Variants in SHTN1 observed in about 807,000 individuals in gnomAD.
SHTN1 encodes shootin 1, also known as shootin-1.
In SHTN1, 42 loss-of-function variants were observed where a neutral mutation model predicts 83.1. That is an observed-to-expected ratio of 0.51 (90% CI 0.39 to 0.65). The LOEUF (loss-of-function observed/expected upper bound fraction) is 0.65, where lower values mean the gene tolerates loss of function less well. Ranked by LOEUF, SHTN1 falls within the 30% of genes least tolerant of loss-of-function variation. The pLI is 0.00. For synonymous variants in SHTN1, 224 were observed against 247.7 expected, an observed-to-expected ratio of 0.90 and a Z score of 0.90; for missense variants, 622 against 737.8, an observed-to-expected ratio of 0.84 and a Z score of 1.82.
At chr10:117,076,043 C>T (rs1853147920) in intron 1 of SHTN1, among the ~76,000 whole-genome samples, 1 of 151,780 alleles carries the variant, frequency 6.6e-6, no homozygotes, top group Admixed American at 6.6e-5. Flanking sequence ...ATTAGCTAGG[C>T]GTGGTGGTGC....
intron 16 of SHTN1, among the ~76,000 whole-genome samples, chr10:116,893,213 A>AT (rs1457775325): frequency 6.6e-6 from 1 of 152,164 alleles, no homozygotes; most frequent in African/African-American, 2.4e-5. Flanking sequence ...AGTCCACAGG[A>AT]TAACTCCTTG....
intron 16 of SHTN1, chr10:116,900,205 G>A (rs1361854643): frequency 8.1e-6 from 2 of 245,504 alleles, no homozygotes; most frequent in Admixed American, 5.2e-5. Flanking sequence ...GAATAATCGA[G>A]CATTAGGTTT....
At chr10:116,957,222 C>T (rs2133433932) in intron 4 of SHTN1, among the ~76,000 whole-genome samples, 1 of 151,832 alleles carries the variant, frequency 6.6e-6, no homozygotes, top group East Asian at 1.9e-4. Flanking sequence ...TGTTTGGAAC[C>T]CCTCTATGTC....
At chr10:116,949,371 C>T (rs1442348162) in intron 6 of SHTN1, among the ~76,000 whole-genome samples, 1 of 152,106 alleles carries the variant, frequency 6.6e-6, no homozygotes, top group Non-Finnish European at 1.5e-5. Context: ...CTCAAGCAAT[C>T]CTCCTGCTTC....
intron 5 of SHTN1, among the ~76,000 whole-genome samples, chr10:116,953,153 CTAAAT>C (rs997474540): frequency 6.6e-6 from 1 of 152,248 alleles, no homozygotes; most frequent in African/African-American, 2.4e-5. Flanking sequence ...GACCTGTGTA[CTAAAT>C]TAAAATGTTC....
chr10:116,981,331 C>T (rs1173231068), intron 1 of SHTN1, among the ~76,000 whole-genome samples: 8 of 152,008 alleles, frequency 5.3e-5, no homozygotes, highest in Non-Finnish European at 1.0e-4. Flanking sequence ...AAAAACAAAA[C>T]GAAACAAAAC....
chr10:116,897,952 T>C (rs1468585938), intron 16 of SHTN1, among the ~76,000 whole-genome samples: 1 of 152,156 alleles, frequency 6.6e-6, no homozygotes, highest in Non-Finnish European at 1.5e-5. Flanking sequence ...ATCATTCTTG[T>C]TTTTCTGACC....
At chr10:116,949,018 G>A (rs758067177) in intron 6 of SHTN1, 21 bp from the exon 7 acceptor site, 1 of 1,511,914 alleles carries the variant, frequency 6.6e-7, no homozygotes. Context: ...GAAATTTTGA[G>A]GGGAGAAAAC....
At chr10:117,018,703 T>C (rs1564932322) in intron 2 of SHTN1, among the ~76,000 whole-genome samples, 1 of 151,528 alleles carries the variant, frequency 6.6e-6, no homozygotes, top group African/African-American at 2.4e-5. Context: ...TCCTGAGTAG[T>C]TGGGATTACA....
chr10:116,930,258 C>G (rs577553160), intron 9 of SHTN1, among the ~76,000 whole-genome samples: 1 of 151,922 alleles, frequency 6.6e-6, no homozygotes, highest in Non-Finnish European at 1.5e-5. Context: ...ATTTTAGGTT[C>G]GGGGTACATG....
chr10:117,015,254 G>A (rs527713539), intron 2 of SHTN1, among the ~76,000 whole-genome samples: 2 of 152,266 alleles, frequency 1.3e-5, no homozygotes, highest in South Asian at 4.1e-4. Flanking sequence ...TTCCCAGCTG[G>A]ACTCTGGCTC....
At chr10:117,081,496 C>G (rs2133611960) in intron 1 of SHTN1, among the ~76,000 whole-genome samples, 1 of 143,248 alleles carries the variant, frequency 7.0e-6, no homozygotes, top group South Asian at 2.4e-4. Context: ...CTAAAATTCT[C>G]TTTTTTGGTT....
At chr10:117,085,259 T>G (rs1490145154) in intron 1 of SHTN1, among the ~76,000 whole-genome samples, 2 of 152,226 alleles carry the variant, frequency 1.3e-5, no homozygotes, top group East Asian at 1.9e-4. Flanking sequence ...CTTCCTTCTT[T>G]TCTCATATAT....
chr10:117,096,772 T>C (rs1346081704), intron 1 of SHTN1, among the ~76,000 whole-genome samples: 1 of 152,154 alleles, frequency 6.6e-6, no homozygotes, highest in Non-Finnish European at 1.5e-5. Flanking sequence ...AAGATGTTAA[T>C]TGGTTCTAAT....
At chr10:117,095,666 A>G (rs1853493497) in intron 1 of SHTN1, among the ~76,000 whole-genome samples, 1 of 152,230 alleles carries the variant, frequency 6.6e-6, no homozygotes, top group African/African-American at 2.4e-5. Flanking sequence ...AGAAAATAGA[A>G]TATCTGAAAA....
intron 15 of SHTN1, among the ~76,000 whole-genome samples, chr10:116,902,244 A>C (rs1449041394): frequency 6.6e-6 from 1 of 152,166 alleles, no homozygotes; most frequent in Non-Finnish European, 1.5e-5. Context: ...TAATACTGGA[A>C]TTGTGGAAAG....
At chr10:117,053,427 C>G (rs543806422) in intron 1 of SHTN1, among the ~76,000 whole-genome samples, 1 of 152,098 alleles carries the variant, frequency 6.6e-6, no homozygotes. Flanking sequence ...AAAAGACAAA[C>G]AACTCAATTT....
chr10:116,986,349 G>C (rs1851217360), intron 1 of SHTN1, among the ~76,000 whole-genome samples: 1 of 152,198 alleles, frequency 6.6e-6, no homozygotes, highest in South Asian at 2.1e-4. Context: ...TAATTTATTA[G>C]AGAAGCAGCC....
chr10:116,959,588 G>C (rs553543570), intron 4 of SHTN1, among the ~76,000 whole-genome samples: 2 of 152,276 alleles, frequency 1.3e-5, no homozygotes, highest in South Asian at 4.1e-4. Flanking sequence ...TAATAATAAT[G>C]TACTTCTGAT....
Sources: gnomAD v4.1 joint callset for allele counts (sites outside exome capture counted in the v4.1 genomes callset) on GRCh38, gnomAD v4.1.1 for gene constraint, MANE v1.5 for transcripts, NCBI Gene and HGNC (gene_info 2026-07-23, HGNC 2026-07-21) for gene names.